Variants in FAM184A observed in about 807,000 individuals in gnomAD.
The protein encoded by FAM184A is protein FAM184A.
FAM184A carries 99 observed loss-of-function variants against 143.8 expected under a neutral mutation model. The ratio of observed to expected loss-of-function variants is 0.69; its 90% confidence interval spans 0.58 to 0.81. The LOEUF (loss-of-function observed/expected upper bound fraction) is 0.81. Among genes scored for constraint, FAM184A ranks in the 40% least tolerant of loss-of-function variants. The probability of loss-of-function intolerance (pLI) is 0.00; values close to 1 mark genes in which losing one functional copy is unlikely to be tolerated. For synonymous variants in FAM184A, 427 were observed against 446.4 expected (o/e 0.96, Z 0.55); for missense variants, 1,217 against 1,310.5 (o/e 0.93, Z 1.10).
intron 6 of FAM184A, among the ~76,000 whole-genome samples, chr6:119,008,819 C>G (rs1431743820): frequency 6.6e-6 from 1 of 152,174 alleles, no homozygotes; most frequent in Admixed American, 6.5e-5. Context: ...ATCCACTGCA[C>G]AAGCATCCAC....
rs1483042364 is a variant in FAM184A, at chr6:118,974,950, T to C, written c.2768+74A>G. On this transcript the variant is annotated intron_variant, in intron 13 of 17. Transcript: ENST00000338891. ...AGCCAGTCTAGTCACAAAATTAGCA[T>C]AGATTACTAAATATCAGCACAACAG... 4.1e-6 allele frequency: 5 copies of C among 1,232,978 alleles called. No individual in the cohort carries two copies. In the African/African-American group the frequency reaches 4.5e-5, roughly 11 times the overall value. The allele number at this position is 1,232,978 out of a possible 1,614,324, so 76.4% of individuals were successfully genotyped here.
At chr6:119,126,163 C>T (rs1789360034) in intron 1 of FAM184A, among the ~76,000 whole-genome samples, 1 of 152,182 alleles carries the variant, frequency 6.6e-6, no homozygotes, top group Admixed American at 6.5e-5. Context: ...CTGTGATTGC[C>T]ACCTTCTTGC....
intron 1 of FAM184A, among the ~76,000 whole-genome samples, chr6:119,132,440 G>A (rs1268831390): frequency 1.3e-5 from 2 of 152,204 alleles, no homozygotes; most frequent in Non-Finnish European, 2.9e-5. Context: ...ATACAACTCA[G>A]CCACAAGAGA....
intron 1 of FAM184A, among the ~76,000 whole-genome samples, chr6:119,063,624 T>C (rs1036323015): frequency 6.6e-6 from 1 of 152,202 alleles, no homozygotes; most frequent in African/African-American, 2.4e-5. Context: ...TTCAGTTTCA[T>C]GGTGAAATCT....
At chr6:119,034,875 G>A (rs958930903) in intron 1 of FAM184A, among the ~76,000 whole-genome samples, 6 of 152,046 alleles carry the variant, frequency 3.9e-5, no homozygotes, top group Non-Finnish European at 8.8e-5. Flanking sequence ...GTCCGACTCA[G>A]TATTAAGAGA....
intron 1 of FAM184A, among the ~76,000 whole-genome samples, chr6:119,145,032 C>T (rs1772381085): frequency 1.3e-5 from 2 of 152,344 alleles, no homozygotes; most frequent in South Asian, 4.1e-4. Context: ...ACTCTCCACC[C>T]TTCTCTGCTG....
intron 1 of FAM184A, among the ~76,000 whole-genome samples, chr6:119,105,410 G>A (rs1228607470): frequency 6.6e-6 from 1 of 152,108 alleles, no homozygotes; most frequent in East Asian, 1.9e-4. Context: ...TGGTTTAAAA[G>A]TGTGTGGCAT....
At chr6:119,045,639 AC>A (rs1203612363) in intron 1 of FAM184A, among the ~76,000 whole-genome samples, 1 of 152,198 alleles carries the variant, frequency 6.6e-6, no homozygotes, top group Admixed American at 6.5e-5. Context: ...GCGAGACCAG[AC>A]TGCCTGCCTG....
intron 1 of FAM184A, among the ~76,000 whole-genome samples, chr6:119,028,439 C>T (rs970704222): frequency 2.6e-5 from 4 of 152,298 alleles, no homozygotes; most frequent in South Asian, 4.1e-4. Context: ...CTTCCAGCCC[C>T]ATACAGGGTC....
At chr6:119,111,661 G>T (rs1266104110) in intron 1 of FAM184A, among the ~76,000 whole-genome samples, 2 of 152,168 alleles carry the variant, frequency 1.3e-5, no homozygotes, top group African/African-American at 4.8e-5. Context: ...TGAAAGAGGT[G>T]TCTTGTCTGT....
Position 118,980,193 on chromosome 6 carries a change from T to C in FAM184A, c.2246A>G (p.Glu749Gly), listed in dbSNP as rs1421642024. The C allele has an allele frequency of 6.2e-7, 1 of 1,614,224 alleles. No individual in the cohort carries two copies. Among genetic ancestry groups the C allele is most frequent in the Non-Finnish European group, 8.5e-7 (1 of 1,180,024 alleles). The change falls in exon 10 of 18, where the codon GAA (glutamate) becomes GGA (glycine). Residue 749 changes from glutamate (E) to glycine (G), a missense_variant. Glu to Gly is a moderately conservative substitution (Grantham distance 98). Transcript: ENST00000338891. ...QHQQRHKSLK[E>G]AHVLAFQTME... ...AGTTTGAAATGCAAGGACATGTGCT[T>C]CTTTTAATGATTTGTGTCTTTGCTG...
chr6:119,057,272 A>C (rs1411912677), intron 1 of FAM184A, among the ~76,000 whole-genome samples: 1 of 152,238 alleles, frequency 6.6e-6, no homozygotes, highest in Non-Finnish European at 1.5e-5. Context: ...GAAGTGTCTA[A>C]GCAGTGACAA....
chr6:119,061,220 G>A (rs1183195483), intron 1 of FAM184A, among the ~76,000 whole-genome samples: 2 of 152,204 alleles, frequency 1.3e-5, no homozygotes, highest in Non-Finnish European at 1.5e-5. Flanking sequence ...ACAAGTTGCG[G>A]TATCGGAAAG....
chr6:119,143,787 A>G (rs896810887), intron 1 of FAM184A, among the ~76,000 whole-genome samples: 4 of 152,234 alleles, frequency 2.6e-5, no homozygotes, highest in Non-Finnish European at 5.9e-5. Flanking sequence ...ATTAGGAATT[A>G]TTTAATGGGT....
intron 1 of FAM184A, among the ~76,000 whole-genome samples, chr6:119,144,281 C>A (rs1256843015): frequency 6.8e-6 from 1 of 147,930 alleles, no homozygotes. Context: ...TTGCAGTGAG[C>A]TGAGATAGTG....
At chr6:119,042,937 T>C (rs1786394629) in intron 1 of FAM184A, among the ~76,000 whole-genome samples, 1 of 152,196 alleles carries the variant, frequency 6.6e-6, no homozygotes, top group Admixed American at 6.5e-5. Context: ...TTCAAAAATC[T>C]GCATCCTGAA....
chr6:119,132,146 G>A (rs1789550050), intron 1 of FAM184A, among the ~76,000 whole-genome samples: 1 of 152,012 alleles, frequency 6.6e-6, no homozygotes, highest in African/African-American at 2.4e-5. Context: ...GTTTATTTCT[G>A]TTTTGAAATA....
intron 6 of FAM184A, among the ~76,000 whole-genome samples, chr6:119,009,836 T>C (rs1243370878): frequency 6.6e-6 from 1 of 152,166 alleles, no homozygotes; most frequent in African/African-American, 2.4e-5. Flanking sequence ...AGTGCTTTGG[T>C]ACCTAATAGG....
chr6:118,965,492 G>A (rs1783476491), intron 15 of FAM184A, among the ~76,000 whole-genome samples: 2 of 152,190 alleles, frequency 1.3e-5, no homozygotes, highest in South Asian at 4.1e-4. Context: ...CCAACAAGAT[G>A]TTCTAATTGA....
Sources: gnomAD v4.1 joint callset for allele counts (sites outside exome capture counted in the v4.1 genomes callset) on GRCh38, gnomAD v4.1.1 for gene constraint, MANE v1.5 for transcripts, NCBI Gene and HGNC (gene_info 2026-07-23, HGNC 2026-07-21) for gene names.